Variants in ASIC4 observed in about 807,000 individuals in gnomAD.
ASIC4 encodes the protein acid-sensing ion channel 4.
In ASIC4, 28 loss-of-function variants were observed where a neutral mutation model predicts 53.4. The ratio of observed to expected loss-of-function variants is 0.52; its 90% CI spans 0.39 to 0.72. The LOEUF is 0.72. Ranked by LOEUF, ASIC4 falls within the 30% of genes least tolerant of loss-of-function variation. The pLI is 0.00. For synonymous variants in ASIC4, 289 were observed against 301.4 expected (o/e 0.96, Z 0.43); for missense variants, 649 against 729.7 (o/e 0.89, Z 1.27).
chr2:219,527,032 T>C (rs924582626), intron 1 of ASIC4, among the ~76,000 whole-genome samples: 1 of 152,186 alleles, frequency 6.6e-6, no homozygotes, highest in Non-Finnish European at 1.5e-5. Flanking sequence ...CCCTGGACTC[T>C]CAACTCCTTT....
chr2:219,508,828 T>G, the ASIC4 span, among the ~76,000 whole-genome samples: 1 of 92,048 alleles, frequency 1.1e-5, no homozygotes, highest in Admixed American at 1.4e-4. Flanking sequence ...GGGGGAGGGA[T>G]GCGGGGGAGG....
chr2:219,537,687 C>A lies in ASIC4; in HGVS notation c.1457C>A (p.Thr486Asn). 6.2e-7 allele frequency: 1 copy of A among 1,614,098 alleles called. No homozygotes were observed. Among genetic ancestry groups the A allele is most frequent in the Non-Finnish European group, 8.5e-7 (1 of 1,179,974 alleles). Residue 486 changes from threonine to asparagine, a missense_variant, in exon 9 of 10, where the codon ACC (threonine) becomes AAC (asparagine). Thr to Asn is a moderately conservative substitution (Grantham distance 65). Coordinates refer to ENST00000358078, the MANE Select transcript of ASIC4 (RefSeq NM_018674.6). The surrounding 1 kb of genome is among the most constrained non-coding windows in gnomAD (Gnocchi z 4.9). ...VWRRPKTPLRTSTGGISTLGL... is the reference protein window; with the variant it reads ...VWRRPKTPLRNSTGGISTLGL... ...AGGCGTCCCAAGACCCCCCTGCGGA[C>A]CTCCACTGGGGGCATCTCCACTTTG...
chr2:219,535,561 G>A (rs1411244648), intron 6 of ASIC4, among the ~76,000 whole-genome samples: 1 of 151,814 alleles, frequency 6.6e-6, no homozygotes, highest in African/African-American at 2.4e-5. Context: ...TGTGTGATGT[G>A]TGTGTGCATG....
chr2:219,509,452 C>T (rs758369509), upstream of ASIC4, among the ~76,000 whole-genome samples: 14 of 152,156 alleles, frequency 9.2e-5, no homozygotes, highest in Admixed American at 1.3e-4. The surrounding 1 kb of genome is among the most constrained non-coding windows in gnomAD (Gnocchi z 5.2). Context: ...CACGCTCCCT[C>T]GTGTGCAGAG....
At chr2:219,522,961 C>T (rs951952460) in intron 1 of ASIC4, among the ~76,000 whole-genome samples, 1 of 152,052 alleles carries the variant, frequency 6.6e-6, no homozygotes, top group Non-Finnish European at 1.5e-5. Flanking sequence ...GCGAGGCGCG[C>T]GAGCCGGTGG....
At chr2:219,512,133 T>C (rs1189236045), upstream of ASIC4, among the ~76,000 whole-genome samples, 1 of 152,070 alleles carries the variant, frequency 6.6e-6, no homozygotes, top group East Asian at 1.9e-4. Context: ...TGCATGCAGC[T>C]AATTGCTGCT....
In ASIC4 at chr2:219,537,841, G is replaced by C. The variant is rs1339018666; in HGVS notation, c.1507-92G>C. 6.7e-7 allele frequency: 1 copy of C among 1,494,942 alleles called. No individual in the cohort carries two copies. The allele number at this position is 1,494,942 out of a possible 1,614,324, so 92.6% of individuals were successfully genotyped here. On this transcript the variant is annotated intron_variant, in intron 9 of 9. Transcript: ENST00000358078. This position sits in a 1 kb window ranked among gnomAD's most constrained non-coding sequence, Gnocchi z 4.9. Reference sequence around the variant, plus strand: ...CTGTGGAGGGGGCCCTGGAGCCTCTGCCCGAGGTGACAAGGAAAGGCTGGC... The same window carrying C: ...CTGTGGAGGGGGCCCTGGAGCCTCTCCCCGAGGTGACAAGGAAAGGCTGGC...
At chr2:219,531,452 G>C (rs1392697280) in intron 1 of ASIC4, among the ~76,000 whole-genome samples, 1 of 152,196 alleles carries the variant, frequency 6.6e-6, no homozygotes, top group Non-Finnish European at 1.5e-5. Context: ...CAGAAATTCC[G>C]ACTTGAGAAA....
intron 1 of ASIC4, among the ~76,000 whole-genome samples, chr2:219,519,381 T>C (rs1435396793): frequency 1.3e-5 from 2 of 152,244 alleles, no homozygotes; most frequent in African/African-American, 2.4e-5. Context: ...CCGACCCATG[T>C]GCTGGCATCT....
In ASIC4 at chr2:219,514,954, C is replaced by T. The variant is rs996884811; in HGVS notation, c.230C>T (p.Ser77Leu). ...CTGTGGGCACTGGCCCTACTCACCT[C>T]GCTGGCTGCCTTCCTGTACCAGGCG... ...RTLWALALLT[S>L]LAAFLYQAAG... Residue 77 changes from serine to leucine, a missense_variant, in exon 1 of 10, where the codon TCG becomes TTG. Ser to Leu is a moderately radical substitution (Grantham distance 145, BLOSUM62 -2). Transcript: ENST00000358078. The T allele has an allele frequency of 1.4e-5, 22 of 1,613,098 alleles. No individual in the cohort carries two copies. The highest frequency in any genetic ancestry group is 5.3e-5 in the African/African-American group (4 of 74,914).
chr2:219,526,380 G>A (rs183422901), intron 1 of ASIC4, among the ~76,000 whole-genome samples: 3 of 152,294 alleles, frequency 2.0e-5, no homozygotes, highest in Admixed American at 1.3e-4. Flanking sequence ...AAGTCTAGGA[G>A]GAAGACAAGA....
At chr2:219,527,237 C>T (rs897457619) in intron 1 of ASIC4, among the ~76,000 whole-genome samples, 12 of 152,232 alleles carry the variant, frequency 7.9e-5, no homozygotes, top group South Asian at 4.1e-4. Context: ...TCCTGGGCAA[C>T]GCTGTGCTCT....
Position 219,538,187 on chromosome 2 carries a change from C to T in ASIC4, c.*141C>T. The T allele has an allele frequency of 1.4e-6, 1 of 717,214 alleles. No individual in the cohort carries two copies. Among genetic ancestry groups the T allele is most frequent in the Non-Finnish European group, 2.4e-6 (1 of 414,276 alleles). 44.4% of individuals were successfully genotyped at this position (717,214 alleles called of 1,614,324 possible). On this transcript the variant is annotated 3_prime_UTR_variant, in exon 10 of 10. Coordinates refer to ENST00000358078, the MANE Select transcript of ASIC4 (RefSeq NM_018674.6). Reference sequence around the variant, plus strand: ...CAGTTCCTGCTCTCATCCTCCCCTGCCCTGATGTCAGCTGCTTTGCACAAA... The same window carrying T: ...CAGTTCCTGCTCTCATCCTCCCCTGTCCTGATGTCAGCTGCTTTGCACAAA...
In ASIC4 at chr2:219,514,758, G is replaced by A; in HGVS notation, c.34G>A (p.Ala12Thr). 1 of 1,613,610 alleles carries A rather than the reference G, an allele frequency of 6.2e-7. No individual in the cohort carries two copies. Residue 12 changes from alanine to threonine, a missense_variant, in exon 1 of 10, where the codon GCT (alanine) becomes ACT (threonine). Physicochemically the swap from Ala to Thr is moderately conservative, Grantham distance 58. Transcript: ENST00000358078. ...CGAGATTGTGTGCAAAATCAAATTTGCTGAGGAGGATGCGAAACCCAAGGA... is the reference window on the plus strand; with the variant it reads ...CGAGATTGTGTGCAAAATCAAATTTACTGAGGAGGATGCGAAACCCAAGGA... ...PIEIVCKIKFAEEDAKPKEKE... is the reference protein window; with the variant it reads ...PIEIVCKIKFTEEDAKPKEKE...
chr2:219,532,560 A>G (rs776863019), intron 4 of ASIC4, 83 bp downstream of exon 4: 3 of 1,520,664 alleles, frequency 2.0e-6, no homozygotes, highest in Non-Finnish European at 2.7e-6. Flanking sequence ...GCTCATGTGC[A>G]CAGGCAGGTG....
intron 4 of ASIC4, 90 bp downstream of exon 4, chr2:219,532,567 G>A: frequency 1.4e-6 from 2 of 1,477,884 alleles, no homozygotes; most frequent in African/African-American, 1.4e-5. Context: ...TGCACAGGCA[G>A]GTGCATGTAT....
upstream of ASIC4, among the ~76,000 whole-genome samples, chr2:219,513,036 A>G (rs1270906285): frequency 6.6e-6 from 1 of 152,188 alleles, no homozygotes; most frequent in Admixed American, 6.5e-5. Flanking sequence ...GCCAGGCCTG[A>G]CGCAGGGGGC....
upstream of ASIC4, among the ~76,000 whole-genome samples, chr2:219,510,256 TGCTGTGCC>T (rs1402047122): frequency 2.7e-5 from 4 of 149,804 alleles, no homozygotes; most frequent in African/African-American, 4.9e-5. This position sits in a 1 kb window ranked among gnomAD's most constrained non-coding sequence, Gnocchi z 5.2. Flanking sequence ...TCCCTCCTGC[TGCTGTGCC>T]GCCTTATCTG....
chr2:219,508,575 G>GC, the ASIC4 span, among the ~76,000 whole-genome samples: 32 of 151,204 alleles, frequency 2.1e-4, no homozygotes, highest in East Asian at 3.9e-4. Context: ...AGAAGGACAT[G>GC]CCCCCCCCAC....
Sources: gnomAD v4.1 joint callset for allele counts (sites outside exome capture counted in the v4.1 genomes callset) on GRCh38, gnomAD v4.1.1 for gene constraint, Gnocchi (gnomAD v3.1) non-coding constraint, MANE v1.5 for transcripts, NCBI Gene and HGNC (gene_info 2026-07-23, HGNC 2026-07-21) for gene names.